The following KBTBD11 variants were observed in gnomAD, a reference collection of about 807,000 sequenced individuals.
KBTBD11 encodes the protein kelch repeat and BTB domain-containing protein 11.
For missense variants in KBTBD11, 1,390 were observed against 1,001.8 expected, an observed-to-expected ratio of 1.39 and a Z score of -5.23; for synonymous variants, 747 against 499.0, an observed-to-expected ratio of 1.50 and a Z score of -6.63.
chr8:1,993,412 TCCATCCATCCAC>T (rs1816996444), intron 1 of KBTBD11, among the ~76,000 whole-genome samples: 1 of 99,330 alleles, frequency 1.0e-5, no homozygotes, highest in Non-Finnish European at 2.3e-5. Context: ...CATCCATCCA[TCCATCCATCCAC>T]CCACCCACCC....
At chr8:1,985,959 G>C (rs1309958717) in intron 1 of KBTBD11, among the ~76,000 whole-genome samples, 1 of 152,196 alleles carries the variant, frequency 6.6e-6, no homozygotes, top group East Asian at 1.9e-4. Context: ...ACACTCCCGC[G>C]TGGCAATTGC....
chr8:1,978,582 G>A (rs1413090866), intron 1 of KBTBD11, among the ~76,000 whole-genome samples: 2 of 152,198 alleles, frequency 1.3e-5, no homozygotes, highest in Non-Finnish European at 2.9e-5. Flanking sequence ...AAACAGCCAG[G>A]TGGAACCGGG....
At chr8:1,977,862 A>C (rs1462842131) in intron 1 of KBTBD11, among the ~76,000 whole-genome samples, 2 of 152,188 alleles carry the variant, frequency 1.3e-5, no homozygotes, top group Non-Finnish European at 2.9e-5. Flanking sequence ...TAAAATTCTT[A>C]CAATAGTGGG....
At chr8:1,995,852 C>T (rs1452090822) in intron 1 of KBTBD11, among the ~76,000 whole-genome samples, 2 of 152,136 alleles carry the variant, frequency 1.3e-5, no homozygotes, top group Non-Finnish European at 1.5e-5. Context: ...TAGCGAGATC[C>T]TGTTTCTACT....
At chr8:1,987,149 A>G (rs1816732337) in intron 1 of KBTBD11, among the ~76,000 whole-genome samples, 1 of 152,140 alleles carries the variant, frequency 6.6e-6, no homozygotes, top group South Asian at 2.1e-4. Context: ...TGATCAATAC[A>G]CAAGAATCCA....
At chr8:1,993,415 A>G (rs1294426784) in intron 1 of KBTBD11, among the ~76,000 whole-genome samples, 4 of 99,338 alleles carry the variant, frequency 4.0e-5, no homozygotes, top group South Asian at 9.5e-4. Flanking sequence ...CCATCCATCC[A>G]TCCATCCACC....
At position 1,973,683 on chromosome 8, in the gene KBTBD11, C is replaced by G. The variant is rs1251478782; in HGVS notation, c.-1161C>G. ...CGCGCCCGCCCCCCTCCCCGCGCCC[C>G]GCGCGCGCCCCTCGCAGCCTGGAGC... On this transcript the variant is annotated 5_prime_UTR_variant, in exon 1 of 2. Coordinates refer to ENST00000320248, the MANE Select transcript of KBTBD11 (RefSeq NM_014867.3). The G allele has an allele frequency of 2.0e-6, 2 of 982,812 alleles. No homozygotes were observed. Among genetic ancestry groups the G allele is most frequent in the Admixed American group, 6.2e-5 (1 of 16,108 alleles). The allele number at this position is 982,812 out of a possible 1,614,324, so 60.9% of individuals were successfully genotyped here. A position where few individuals can be genotyped will look rare whatever the true frequency, so the allele number is the denominator to read the frequency against.
intron 1 of KBTBD11, among the ~76,000 whole-genome samples, chr8:1,983,839 C>G (rs151246873): frequency 2.0e-5 from 3 of 152,360 alleles, no homozygotes; most frequent in African/African-American, 7.2e-5. Context: ...TGGAAAAAGT[C>G]ACACATGGGG....
chr8:1,998,926 A>C (rs1327103733), intron 1 of KBTBD11, among the ~76,000 whole-genome samples: 1 of 152,194 alleles, frequency 6.6e-6, no homozygotes, highest in Non-Finnish European at 1.5e-5. Context: ...CCACCACTGG[A>C]CAGCAGGATG....
In KBTBD11 at chr8:2,001,753, C is replaced by T; in HGVS notation, c.561C>T (p.Leu187=). Residue 187 remains leucine, a synonymous_variant, in exon 2 of 2, where the codon CTC becomes CTT. Coordinates refer to ENST00000320248, the MANE Select transcript of KBTBD11 (RefSeq NM_014867.3). The part of the protein sequence containing the change: ...QGVSLTALRL[L]LADAYSGRMA... The stretch of plus-strand genomic sequence containing the variant: ...TGAGCCTGACGGCGCTGCGGCTGCT[C>T]CTCGCCGACGCCTACAGCGGGCGCA... 1 of 1,321,138 alleles carries T rather than the reference C, an allele frequency of 7.6e-7. No individual in the cohort carries two copies. The highest frequency in any genetic ancestry group is 9.6e-7 in the Non-Finnish European group (1 of 1,037,520). The allele number at this position is 1,321,138 out of a possible 1,614,324, so 81.8% of individuals were successfully genotyped here. A position where few individuals can be genotyped will look rare whatever the true frequency, so the allele number is the denominator to read the frequency against.
At position 2,001,029 on chromosome 8, in the gene KBTBD11, C is replaced by T; in HGVS notation, c.-164C>T. 2 of 938,968 alleles carry T rather than the reference C, an allele frequency of 2.1e-6. No homozygotes were observed. The highest frequency in any genetic ancestry group is 1.7e-5 in the African/African-American group (1 of 58,010). The allele number at this position is 938,968 out of a possible 1,614,324, so 58.2% of individuals were successfully genotyped here. ...CGGGGGAGCAGCGTGTGAGATTCCC[C>T]CCTTCACACACACAACAACAAAGCG... On this transcript the variant is annotated 5_prime_UTR_variant, in exon 2 of 2. Transcript: ENST00000320248.
intron 1 of KBTBD11, chr8:1,974,549 C>T (rs1161368914): frequency 4.1e-6 from 4 of 985,062 alleles, no homozygotes; most frequent in Admixed American, 6.2e-5. Flanking sequence ...CCGCTGCGCC[C>T]GGGGTGCGGG....
intron 1 of KBTBD11, chr8:1,975,276 C>T (rs1816296807): frequency 1.3e-5 from 2 of 152,234 alleles, no homozygotes; most frequent in Non-Finnish European, 2.9e-5. Flanking sequence ...CATTGCTGGC[C>T]ATAGCATTGG....
chr8:2,006,146 A>C lies in KBTBD11; in HGVS notation c.*3082A>C, dbSNP rs931325188. On this transcript the variant is annotated 3_prime_UTR_variant, in exon 2 of 2. Transcript: ENST00000320248. ...TCGTGACTGTATAAGTTTGGCTACAAATAAGTAAGAAATTAATCATCTGCT... is the reference window on the plus strand; with the variant it reads ...TCGTGACTGTATAAGTTTGGCTACACATAAGTAAGAAATTAATCATCTGCT... 7 of 167,080 alleles carry C rather than the reference A, an allele frequency of 4.2e-5. No homozygotes were observed. The highest frequency in any genetic ancestry group is 1.7e-4 in the African/African-American group (7 of 41,456). 10.3% of individuals were successfully genotyped at this position (167,080 alleles called of 1,614,324 possible). A position where few individuals can be genotyped will look rare whatever the true frequency, so the allele number is the denominator to read the frequency against.
At chr8:1,988,433 G>A (rs1816772407) in intron 1 of KBTBD11, among the ~76,000 whole-genome samples, 2 of 152,216 alleles carry the variant, frequency 1.3e-5, no homozygotes, top group South Asian at 4.1e-4. Context: ...TCTAACTGGT[G>A]TGAGATGGTA....
chr8:1,991,871 A>T (rs1816931927), intron 1 of KBTBD11, among the ~76,000 whole-genome samples: 1 of 152,014 alleles, frequency 6.6e-6, no homozygotes, highest in South Asian at 2.1e-4. Context: ...TGTGTCTGAC[A>T]CCAAAGGGAA....
At chr8:1,983,626 C>T (rs1816613376) in intron 1 of KBTBD11, among the ~76,000 whole-genome samples, 1 of 152,284 alleles carries the variant, frequency 6.6e-6, no homozygotes, top group South Asian at 2.1e-4. Flanking sequence ...CCCTATGGGA[C>T]CTGGGGCAGT....
intron 1 of KBTBD11, chr8:1,975,875 G>A (rs559712161): frequency 3.9e-5 from 6 of 152,298 alleles, no homozygotes; most frequent in African/African-American, 1.4e-4. Context: ...CGCTTCAATG[G>A]GGTTTCCATA....
At chr8:1,977,654 G>A (rs143281688) in intron 1 of KBTBD11, among the ~76,000 whole-genome samples, 11 of 151,764 alleles carry the variant, frequency 7.2e-5, no homozygotes, top group African/African-American at 2.2e-4. Context: ...CTCTCGAGTA[G>A]CTGGGATTAC....
Sources: gnomAD v4.1 joint callset for allele counts (sites outside exome capture counted in the v4.1 genomes callset) on GRCh38, gnomAD v4.1.1 for gene constraint, MANE v1.5 for transcripts, NCBI Gene and HGNC (gene_info 2026-07-23, HGNC 2026-07-21) for gene names.